NAA25: variants seen among roughly 807,000 people sequenced by gnomAD.
NAA25 encodes N-alpha-acetyltransferase 25, NatB auxiliary subunit.
Under a neutral mutation model 132.5 loss-of-function variants are expected in NAA25, and 30 were observed. That is an observed-to-expected ratio of 0.23 (90% CI 0.17 to 0.31). The LOEUF (loss-of-function observed/expected upper bound fraction) is 0.31, where lower values mean the gene tolerates loss of function less well. Ranked by LOEUF, NAA25 falls within the 10% of genes least tolerant of loss-of-function variation. The probability of loss-of-function intolerance (pLI) is 1.00; values close to 1 mark genes in which losing one functional copy is unlikely to be tolerated. For synonymous variants in NAA25, 359 were observed against 401.9 expected (o/e 0.89, Z 1.28); for missense variants, 771 against 1,150.4 (o/e 0.67, Z 4.77).
chr12:112,042,249 C>A, intron 19 of NAA25, 145 bp from the exon 20 acceptor site: 21 of 364,638 alleles, frequency 5.8e-5, no homozygotes, highest in South Asian at 1.7e-4. Context: ...TATTTTGAGA[C>A]AAAAAGAAAA....
At chr12:112,040,386 G>C (rs878990202) in intron 21 of NAA25, 95 bp downstream of exon 21, 7 of 690,142 alleles carry the variant, frequency 1.0e-5, no homozygotes, top group South Asian at 8.7e-5. Context: ...TTAAGTTACA[G>C]GTATAAGGTG....
chr12:112,093,754 C>T (rs2079171848), intron 1 of NAA25, among the ~76,000 whole-genome samples: 1 of 151,972 alleles, frequency 6.6e-6, no homozygotes, highest in South Asian at 2.1e-4. Context: ...TTGCCATGCA[C>T]CTGTAATCCC....
At chr12:112,098,823 T>A (rs1566035682) in intron 1 of NAA25, among the ~76,000 whole-genome samples, 1 of 152,148 alleles carries the variant, frequency 6.6e-6, no homozygotes, top group Non-Finnish European at 1.5e-5. Flanking sequence ...AGTTGCGCGA[T>A]CCCAGCTCAC....
chr12:112,073,864 G>A (rs1391895413), intron 9 of NAA25, among the ~76,000 whole-genome samples: 1 of 151,976 alleles, frequency 6.6e-6, no homozygotes, highest in Non-Finnish European at 1.5e-5. Flanking sequence ...ATCATCAATA[G>A]GGAAAATGCT....
chr12:112,047,138 C>T (rs1200446486), intron 17 of NAA25, among the ~76,000 whole-genome samples: 1 of 151,496 alleles, frequency 6.6e-6, no homozygotes, highest in Non-Finnish European at 1.5e-5. Flanking sequence ...TTTGGCTTAC[C>T]TATATTTTCT....
intron 1 of NAA25, among the ~76,000 whole-genome samples, chr12:112,104,435 A>G (rs1008655775): frequency 2.6e-5 from 4 of 152,224 alleles, no homozygotes; most frequent in Admixed American, 2.6e-4. Context: ...ATAAATAAAT[A>G]AAAGTATGGG....
intron 4 of NAA25, among the ~76,000 whole-genome samples, chr12:112,086,101 CA>C (rs1313550590): frequency 2.2e-4 from 28 of 129,458 alleles, no homozygotes; most frequent in African/African-American, 7.7e-4. Context: ...CACACACACA[CA>C]CCCATAACCA....
At chr12:112,035,181 AAACC>A (rs1423256756) in intron 22 of NAA25, 1 of 152,190 alleles carries the variant, frequency 6.6e-6, no homozygotes, top group Admixed American at 6.5e-5. Context: ...GATATCAGAA[AAACC>A]ATTCTCATTT....
Position 112,036,892 on chromosome 12 carries a change from T to TGC in NAA25, c.2649+2335_2649+2336dup, listed in dbSNP as rs1168619549. Among the ~76,000 whole-genome samples the TGC allele has an allele frequency of 2.7e-5, 4 of 150,068 alleles. No individual in the cohort carries two copies. The East Asian group carries it at 7.8e-4, about 29-fold the overall frequency. On this transcript the variant is annotated intron_variant, in intron 22 of 23. Coordinates refer to ENST00000261745, the MANE Select transcript of NAA25 (RefSeq NM_024953.4). ...CTGTGTGTGCGTGTGTGTGTGTGTGTGCACGCGCGTGTGCATAAAAACGCT... is the reference window on the plus strand; with the variant it reads ...CTGTGTGTGCGTGTGTGTGTGTGTGTGCGCACGCGCGTGTGCATAAAAACGCT...
At chr12:112,092,927 C>G in intron 2 of NAA25, 124 bp downstream of exon 2, 1 of 555,152 alleles carries the variant, frequency 1.8e-6, no homozygotes, top group South Asian at 2.5e-5. Context: ...CCGCTTGCCT[C>G]GGCCTCCCAA....
rs559820107 is a variant in NAA25, at chr12:112,043,293, A to G, written c.2251-82T>C. The G allele has an allele frequency of 1.1e-4, 158 of 1,426,622 alleles. 1 individual carries two copies. The South Asian group carries it at 2.2e-3, about 20-fold the overall frequency. The allele number at this position is 1,426,622 out of a possible 1,614,324, so 88.4% of individuals were successfully genotyped here. A position where few individuals can be genotyped will look rare whatever the true frequency, so the allele number is the denominator to read the frequency against. The stretch of plus-strand genomic sequence containing the variant: ...TAAGAAAATCAGGTAACTAGTAGAT[A>G]AAAACCTGTCTCAGCGGTTCAGCTA... On this transcript the variant is annotated intron_variant, in intron 18 of 23. Transcript: ENST00000261745.
intron 22 of NAA25, 139 bp downstream of exon 22, chr12:112,039,090 T>C (rs1355426390): frequency 4.1e-6 from 2 of 486,774 alleles, no homozygotes; most frequent in Non-Finnish European, 7.3e-6. Context: ...TGCGACGCAT[T>C]CAAAGTCATC....
At chr12:112,044,756 AT>A (rs2078353763) in intron 17 of NAA25, among the ~76,000 whole-genome samples, 1 of 151,194 alleles carries the variant, frequency 6.6e-6, no homozygotes, top group South Asian at 2.1e-4. Context: ...AAAATAATAC[AT>A]GAGGACAGGT....
intron 19 of NAA25, among the ~76,000 whole-genome samples, chr12:112,042,869 A>G (rs2078321519): frequency 6.6e-6 from 1 of 152,246 alleles, no homozygotes; most frequent in Non-Finnish European, 1.5e-5. Context: ...CAACTTTTGG[A>G]CCTAACAAGT....
chr12:112,047,679 C>T lies in NAA25; in HGVS notation c.1992G>A (p.Trp664Ter). Residue 664 changes from tryptophan (W) to a stop codon, truncating the protein, a stop_gained, in exon 17 of 24, where the codon TGG (tryptophan) becomes TGA (stop). Transcript: ENST00000261745. LOFTEE classifies it high-confidence loss of function. ...ATTCCAGTTACCTGTCTTTTGGATCCCAGCTGAAAAAAACATTTAAGTCTC... is the reference window on the plus strand; with the variant it reads ...ATTCCAGTTACCTGTCTTTTGGATCTCAGCTGAAAAAAACATTTAAGTCTC... ...DNRDLNVFFS[W>*]DPKDRDVSEE... The T allele has an allele frequency of 6.2e-7, 1 of 1,611,210 alleles. No homozygotes were observed. The highest frequency in any genetic ancestry group is 8.5e-7 in the Non-Finnish European group (1 of 1,179,240).
rs1012109063 is a variant in NAA25 at position 112,081,141 on chromosome 12, G to C, written c.403-7C>G. ...TATATAGAGCCATGCCAGCCTAAAA[G>C]AGAACCATAAATATTTTATTTAGAA... is the stretch of plus-strand genomic sequence containing the variant. On this transcript the variant is annotated splice_polypyrimidine_tract_variant and splice_region_variant and intron_variant, in intron 4 of 23. Coordinates refer to ENST00000261745, the MANE Select transcript of NAA25 (RefSeq NM_024953.4). 6.2e-7 allele frequency: 1 copy of C among 1,606,818 alleles called. No individual in the cohort carries two copies. Among genetic ancestry groups the C allele is most frequent in the African/African-American group, 1.3e-5 (1 of 74,644 alleles).
At chr12:112,040,452 T>C (rs1459856659) in intron 21 of NAA25, 29 bp downstream of exon 21, 1 of 1,335,482 alleles carries the variant, frequency 7.5e-7, no homozygotes, top group Non-Finnish European at 1.1e-6. Flanking sequence ...AGAACAACAA[T>C]GTCTTTTAGG....
At chr12:112,037,275 CATATATATATATATATATAT>C (rs57810657) in intron 22 of NAA25, among the ~76,000 whole-genome samples, 4,059 of 65,260 alleles carry the variant, frequency 0.062, 245 homozygotes, top group African/African-American at 0.13. Flanking sequence ...TTAAAAAATA[CATATATATATATATATATAT>C]ATATATATAT....
intron 16 of NAA25, 105 bp downstream of exon 16, chr12:112,048,187 C>G (rs1432778837): frequency 9.0e-7 from 1 of 1,115,164 alleles, no homozygotes; most frequent in Non-Finnish European, 1.3e-6. Context: ...CCTTTTTTCC[C>G]CCTATTTTAC....
Sources: gnomAD v4.1 joint callset for allele counts (sites outside exome capture counted in the v4.1 genomes callset) on GRCh38, gnomAD v4.1.1 for gene constraint, MANE v1.5 for transcripts, NCBI Gene and HGNC (gene_info 2026-07-23, HGNC 2026-07-21) for gene names.